The following STOX2 variants were observed in gnomAD, a reference collection of about 807,000 sequenced individuals.
STOX2 encodes storkhead box 2, also known as storkhead-box protein 2.
STOX2 carries 28 observed loss-of-function variants against 60.9 expected under a neutral mutation model. The ratio of observed to expected loss-of-function variants is 0.46; its 90% CI spans 0.34 to 0.63. The LOEUF (loss-of-function observed/expected upper bound fraction) is 0.63. Ranked by LOEUF, STOX2 falls within the 30% of genes least tolerant of loss-of-function variation. The probability of loss-of-function intolerance (pLI) is 0.01; values close to 1 mark genes in which losing one functional copy is unlikely to be tolerated. For missense variants in STOX2, 1,024 were observed against 1,187.7 expected, an observed-to-expected ratio of 0.86 and a Z score of 2.03; for synonymous variants, 472 against 463.9, an observed-to-expected ratio of 1.02 and a Z score of -0.22.
At chr4:183,971,441 G>C (rs1197785725) in intron 1 of STOX2, among the ~76,000 whole-genome samples, 1 of 152,186 alleles carries the variant, frequency 6.6e-6, no homozygotes, top group Non-Finnish European at 1.5e-5. Context: ...TAACACTGAT[G>C]ACAAAGCTCA....
Position 183,836,687 on chromosome 4 carries a change from C to T in STOX2, c.364+38632C>T, listed in dbSNP as rs79988524. Among the ~76,000 whole-genome samples, 17 of 152,270 alleles carry T rather than the reference C, an allele frequency of 1.1e-4. No homozygotes were observed. The highest frequency in any genetic ancestry group is 3.9e-4 in the African/African-American group (16 of 41,540). The stretch of plus-strand genomic sequence containing the variant: ...CATCAGCAGTGTCCATCGCAGTCAC[C>T]GTCTCCCATTTCGTGGCAGGGTCAG... On this transcript the variant is annotated intron_variant, in intron 1 of 2. Coordinates refer to the STOX2 transcript ENST00000513034. The surrounding 1 kb of genome is among the most constrained non-coding windows in gnomAD (Gnocchi z 4.1).
chr4:183,913,067 C>T (rs564528358), intron 1 of STOX2, among the ~76,000 whole-genome samples: 8 of 152,060 alleles, frequency 5.3e-5, no homozygotes, highest in Non-Finnish European at 7.4e-5. Context: ...AACAGAAGGA[C>T]GTTGCTTAGA....
At chr4:183,983,146 T>C (rs1370852971) in intron 1 of STOX2, among the ~76,000 whole-genome samples, 1 of 152,188 alleles carries the variant, frequency 6.6e-6, no homozygotes, top group Non-Finnish European at 1.5e-5. Context: ...CCTTGCTGCC[T>C]GGAAAGACAC....
chr4:184,006,920 G>A (rs1203533002), intron 2 of STOX2, among the ~76,000 whole-genome samples: 7 of 145,352 alleles, frequency 4.8e-5, no homozygotes, highest in African/African-American at 1.0e-4. Flanking sequence ...GGAGGCTGAG[G>A]CAGGAGAATG....
intron 1 of STOX2, among the ~76,000 whole-genome samples, chr4:183,921,271 A>G (rs1402439085): frequency 6.6e-6 from 1 of 152,260 alleles, no homozygotes; most frequent in Non-Finnish European, 1.5e-5. Flanking sequence ...GTAAGATAAA[A>G]TCAAGTTCAA....
chr4:183,833,066 T>G (rs766725049), intron 1 of STOX2, among the ~76,000 whole-genome samples: 1 of 152,262 alleles, frequency 6.6e-6, no homozygotes, highest in Admixed American at 6.5e-5. Context: ...GGCGATGGTC[T>G]ACCTGAAATT....
At chr4:183,798,667 GT>G (rs1457619259) in intron 1 of STOX2, 1 of 985,276 alleles carries the variant, frequency 1.0e-6, no homozygotes, top group African/African-American at 1.7e-5. Flanking sequence ...CGTTTTGTGT[GT>G]CTGAGGGAAG....
At chr4:183,952,836 C>T (rs1743133407) in intron 1 of STOX2, among the ~76,000 whole-genome samples, 2 of 152,294 alleles carry the variant, frequency 1.3e-5, no homozygotes, top group South Asian at 4.2e-4. Context: ...TGTGGTGTTT[C>T]CCCATGGAAT....
chr4:184,017,066 A>ACAAAC, intron 3 of STOX2, 23 bp from the exon 4 acceptor site: 7 of 1,570,610 alleles, frequency 4.5e-6, no homozygotes, highest in Non-Finnish European at 6.0e-6. Flanking sequence ...ACAAAACAAA[A>ACAAAC]CAAACCCTTT....
chr4:183,819,339 T>C (rs1375203037), intron 1 of STOX2, among the ~76,000 whole-genome samples: 2 of 151,850 alleles, frequency 1.3e-5, no homozygotes, highest in African/African-American at 2.4e-5. Context: ...GGTTAGGAGC[T>C]GGAGACCAGC....
intron 1 of STOX2, among the ~76,000 whole-genome samples, chr4:183,888,618 C>A (rs1741137533): frequency 6.6e-6 from 1 of 152,230 alleles, no homozygotes; most frequent in African/African-American, 2.4e-5. Context: ...TGGATTAATT[C>A]TCTTGCCTGC....
intron 1 of STOX2, among the ~76,000 whole-genome samples, chr4:183,801,984 G>T (rs992185852): frequency 6.6e-6 from 1 of 152,188 alleles, no homozygotes; most frequent in Non-Finnish European, 1.5e-5. Flanking sequence ...CTCTCCTTCG[G>T]TACACTTGCA....
chr4:183,865,126 A>G lies in STOX2; in HGVS notation c.364+67071A>G, dbSNP rs1036943611. ...CCCGTATTATGAATATTTGCTGCCT[A>G]TGGTTTATCACATATGTACTGTCTC... On this transcript the variant is annotated intron_variant, in intron 1 of 2. Coordinates refer to the STOX2 transcript ENST00000513034. This position sits in a 1 kb window ranked among gnomAD's most constrained non-coding sequence, Gnocchi z 4.1. 1.3e-5 allele frequency among the ~76,000 whole-genome samples: 2 copies of G among 152,138 alleles called. No homozygotes were observed. Among genetic ancestry groups the G allele is most frequent in the African/African-American group, 4.8e-5 (2 of 41,422 alleles).
intron 1 of STOX2, among the ~76,000 whole-genome samples, chr4:183,876,495 A>G (rs1000612819): frequency 5.3e-5 from 8 of 152,232 alleles, no homozygotes; most frequent in Admixed American, 1.3e-4. Flanking sequence ...ATAACCAGAC[A>G]TGGAACTGCA....
At chr4:183,967,737 G>A (rs1009548405) in intron 1 of STOX2, among the ~76,000 whole-genome samples, 5 of 152,212 alleles carry the variant, frequency 3.3e-5, no homozygotes, top group African/African-American at 4.8e-5. Flanking sequence ...TTATAATCCT[G>A]TGTTGGATTA....
chr4:183,883,164 A>C (rs941288049), intron 1 of STOX2, among the ~76,000 whole-genome samples: 7 of 152,146 alleles, frequency 4.6e-5, no homozygotes, highest in African/African-American at 2.4e-5. Context: ...GCAAATCTAG[A>C]CATCATATTA....
At chr4:183,882,509 C>T (rs889811301) in intron 1 of STOX2, among the ~76,000 whole-genome samples, 3 of 152,136 alleles carry the variant, frequency 2.0e-5, no homozygotes, top group South Asian at 2.1e-4. Flanking sequence ...TTTGAGTATA[C>T]CTTTAGCTGC....
chr4:183,846,584 A>T (rs1739995521), intron 1 of STOX2, among the ~76,000 whole-genome samples: 1 of 152,126 alleles, frequency 6.6e-6, no homozygotes, highest in South Asian at 2.1e-4. Context: ...TTTCAACTCC[A>T]GAATTTCTTT....
At position 184,009,464 on chromosome 4, in the gene STOX2, C is replaced by G; in HGVS notation, c.626C>G (p.Thr209Arg). ...CHCCREDVHSTHAPTLQRKSA... is the reference protein window; with the variant it reads ...CHCCREDVHSRHAPTLQRKSA... ...TGCTGCAGAGAAGACGTGCACAGCA[C>G]GCATGCACCCACCCTGCAAAGGAAG... The change falls in exon 3 of 4, where the codon ACG becomes AGG. Residue 209 changes from threonine to arginine, a missense_variant. Thr to Arg is a moderately conservative substitution (Grantham distance 71, BLOSUM62 -1). Coordinates refer to ENST00000308497, the MANE Select transcript of STOX2 (RefSeq NM_020225.3). The surrounding 1 kb of genome is among the most constrained non-coding windows in gnomAD (Gnocchi z 4.0). 1 of 1,614,040 alleles carries G rather than the reference C, an allele frequency of 6.2e-7. No homozygotes were observed. Among genetic ancestry groups the G allele is most frequent in the East Asian group, 2.2e-5 (1 of 44,882 alleles).
Sources: allele counts gnomAD v4.1 joint callset (sites outside exome capture counted in the v4.1 genomes callset), GRCh38; gene constraint gnomAD v4.1.1; non-coding constraint Gnocchi (gnomAD v3.1); transcripts MANE v1.5; gene names NCBI Gene and HGNC (gene_info 2026-07-23, HGNC 2026-07-21).